HERPUD2: variants seen among roughly 807,000 people sequenced by gnomAD.
HERPUD2 encodes the protein homocysteine-responsive endoplasmic reticulum-resident ubiquitin-like domain member 2 protein.
In HERPUD2, 13 loss-of-function variants were observed where a neutral mutation model predicts 49.9. The observed-to-expected ratio is 0.26, with a 90% CI of 0.17 to 0.41. The LOEUF (loss-of-function observed/expected upper bound fraction) is 0.41, where lower values mean the gene tolerates loss of function less well. Ranked by LOEUF, HERPUD2 falls within the 10% of genes least tolerant of loss-of-function variation. The pLI is 1.00. For missense variants in HERPUD2, 449 were observed against 492.2 expected, an observed-to-expected ratio of 0.91 and a Z score of 0.83; for synonymous variants, 172 against 171.4, an observed-to-expected ratio of 1.00 and a Z score of -0.03.
intron 5 of HERPUD2, among the ~76,000 whole-genome samples, chr7:35,653,725 C>T (rs552318893): frequency 1.3e-5 from 2 of 150,654 alleles, no homozygotes; most frequent in Admixed American, 6.6e-5. Context: ...ATGACCACAA[C>T]GGAATAACAC....
At chr7:35,675,183 C>T (rs1785734818) in intron 2 of HERPUD2, among the ~76,000 whole-genome samples, 1 of 152,146 alleles carries the variant, frequency 6.6e-6, no homozygotes, top group Admixed American at 6.5e-5. Context: ...AGCTGATGTC[C>T]TCTGGAGAAT....
In HERPUD2 at chr7:35,679,236, A is replaced by T. The variant is rs578011794; in HGVS notation, c.148-5958T>A. ...AGAAAAAAACTCAGAAGATTTTGAG[A>T]ATTCCTAGTCCCAGAACTATGGGTC... On this transcript the variant is annotated intron_variant, in intron 2 of 8. Transcript: ENST00000311350. Among the ~76,000 whole-genome samples, 3 of 152,320 alleles carry T rather than the reference A, an allele frequency of 2.0e-5. No individual in the cohort carries two copies. The East Asian group carries it at 5.8e-4, about 29-fold the overall frequency.
In HERPUD2 at chr7:35,680,218, G is replaced by A. The variant is rs544730994; in HGVS notation, c.148-6940C>T. Reference sequence around the variant, plus strand: ...GCCCAGGAGTTCAAGACCAGCCTGGGCAACATAGCAAGACTCCATCTCCTC... The same window carrying A: ...GCCCAGGAGTTCAAGACCAGCCTGGACAACATAGCAAGACTCCATCTCCTC... On this transcript the variant is annotated intron_variant, in intron 2 of 8. Coordinates refer to ENST00000311350, the MANE Select transcript of HERPUD2 (RefSeq NM_022373.5). Among the ~76,000 whole-genome samples, 8 of 152,196 alleles carry A rather than the reference G, an allele frequency of 5.3e-5. No homozygotes were observed. The South Asian group carries it at 1.7e-3, about 32-fold the overall frequency.
At chr7:35,679,079 T>C (rs1785824895) in intron 2 of HERPUD2, among the ~76,000 whole-genome samples, 1 of 152,160 alleles carries the variant, frequency 6.6e-6, no homozygotes, top group South Asian at 2.1e-4. Flanking sequence ...AAGCCAAAGC[T>C]TGGAAAACTT....
rs1785925523 is a variant in HERPUD2, at chr7:35,682,347, GTGTGTGTGTGTATA to G, written c.148-9083_148-9070del. Among the ~76,000 whole-genome samples, 71 of 29,166 alleles carry G rather than the reference GTGTGTGTGTGTATA, an allele frequency of 2.4e-3. 9 individuals carry two copies. Among genetic ancestry groups the G allele is most frequent in the Middle Eastern group, 0.014 (1 of 72 alleles). The allele number at this position is 29,166 out of a possible 152,430, so 19.1% of individuals were successfully genotyped here. On this transcript the variant is annotated intron_variant, in intron 2 of 8. Coordinates refer to ENST00000311350, the MANE Select transcript of HERPUD2 (RefSeq NM_022373.5). ...CACACGTGTGTGTGTGTGTGTGTGT[GTGTGTGTGTGTATA>G]TATATATATATATATATATATATAT...
Position 35,638,463 on chromosome 7 carries a change from G to A in HERPUD2, c.504C>T (p.Asp168=). The A allele has an allele frequency of 6.2e-7, 1 of 1,612,488 alleles. No individual in the cohort carries two copies. The highest frequency in any genetic ancestry group is 1.1e-5 in the South Asian group (1 of 90,920). The part of the protein sequence containing the change: ...QFPYVMQGNV[D]NQFPGQAAPP... ...GAGCAGCTTGCCCAGGAAATTGGTTGTCTACATTTCTGCAAGAAATAAATA... is the reference window on the plus strand; with the variant it reads ...GAGCAGCTTGCCCAGGAAATTGGTTATCTACATTTCTGCAAGAAATAAATA... Residue 168 remains aspartate, a synonymous_variant, in exon 6 of 9, where the codon GAC becomes GAT. Coordinates refer to ENST00000311350, the MANE Select transcript of HERPUD2 (RefSeq NM_022373.5).
intron 5 of HERPUD2, among the ~76,000 whole-genome samples, chr7:35,654,617 C>T (rs1282936485): frequency 7.0e-6 from 1 of 142,580 alleles, no homozygotes; most frequent in Admixed American, 7.0e-5. Flanking sequence ...AAAAAAAAAT[C>T]TCCCAACAAA....
chr7:35,633,648 C>A lies in HERPUD2; in HGVS notation c.*42G>T. ...ATTGCACTGTTATTTAAACCACTTT[C>A]CTGAAGTCAGACCCTCCTTGTAGCT... On this transcript the variant is annotated 3_prime_UTR_variant, in exon 9 of 9. Transcript: ENST00000311350. The A allele has an allele frequency of 6.3e-7, 1 of 1,576,790 alleles. No homozygotes were observed. The highest frequency in any genetic ancestry group is 1.2e-5 in the South Asian group (1 of 86,106).
chr7:35,664,860 TTTG>T (rs1181977796), intron 5 of HERPUD2, among the ~76,000 whole-genome samples: 2 of 152,124 alleles, frequency 1.3e-5, no homozygotes, highest in African/African-American at 4.8e-5. Context: ...CTGGGAGAAG[TTTG>T]TTATTACCGA....
chr7:35,649,029 A>G (rs1031587102), intron 5 of HERPUD2, among the ~76,000 whole-genome samples: 15 of 152,216 alleles, frequency 9.9e-5, no homozygotes, highest in African/African-American at 3.6e-4. Context: ...AGGCAGGCAG[A>G]TCACAAGGTC....
At chr7:35,637,061 A>T (rs1784881006) in intron 6 of HERPUD2, among the ~76,000 whole-genome samples, 1 of 152,060 alleles carries the variant, frequency 6.6e-6, no homozygotes, top group African/African-American at 2.4e-5. Flanking sequence ...TGAACCCGGG[A>T]GGCGGAGGTT....
At position 35,644,759 on chromosome 7, in the gene HERPUD2, T is replaced by G. The variant is rs939664262; in HGVS notation, c.495-6287A>C. On this transcript the variant is annotated intron_variant, in intron 5 of 8. Transcript: ENST00000311350. Reference sequence around the variant, plus strand: ...TCTAGCCTGGGGGAAACAGTGAGGCTCTGTCTCAACAAAAAAAGAAAGGAA... The same window carrying G: ...TCTAGCCTGGGGGAAACAGTGAGGCGCTGTCTCAACAAAAAAAGAAAGGAA... Among the ~76,000 whole-genome samples the G allele has an allele frequency of 8.5e-5, 13 of 152,074 alleles. 1 individual carries two copies. The highest frequency in any genetic ancestry group is 2.9e-4 in the African/African-American group (12 of 41,412).
chr7:35,659,414 C>T lies in HERPUD2; in HGVS notation c.494+8020G>A, dbSNP rs139831791. ...TTTGACTGTTTTAGTGTACCATACA[C>T]AGAGATGCTTATAAATGTTTGCTGA... On this transcript the variant is annotated intron_variant, in intron 5 of 8. Coordinates refer to ENST00000311350, the MANE Select transcript of HERPUD2 (RefSeq NM_022373.5). Among the ~76,000 whole-genome samples, 999 of 152,322 alleles carry T rather than the reference C, an allele frequency of 6.6e-3. 6 individuals are homozygous for T. Among genetic ancestry groups the T allele is most frequent in the Non-Finnish European group, 9.1e-3 (621 of 68,026 alleles).
rs146174579 is a variant in HERPUD2 at position 35,690,837 on chromosome 7, G to A, written c.147+3347C>T. On this transcript the variant is annotated intron_variant, in intron 2 of 8. Coordinates refer to ENST00000311350, the MANE Select transcript of HERPUD2 (RefSeq NM_022373.5). ...AAAAAAAAAAGAACGGTATAAAAAA[G>A]GAAGCTATCAGAGTCTGATTCTTGT... Among the ~76,000 whole-genome samples, 133 of 152,088 alleles carry A rather than the reference G, an allele frequency of 8.7e-4. 1 individual carries two copies. The highest frequency in any genetic ancestry group is 3.0e-3 in the African/African-American group (123 of 41,502).
intron 5 of HERPUD2, among the ~76,000 whole-genome samples, chr7:35,651,155 A>G (rs529046585): frequency 6.6e-6 from 1 of 152,228 alleles, no homozygotes; most frequent in African/African-American, 2.4e-5. Flanking sequence ...GGTTTGTCCC[A>G]CCAATATTAC....
Position 35,694,531 on chromosome 7 carries a change from T to G in HERPUD2, c.-201A>C. The G allele has an allele frequency of 1.7e-6, 1 of 594,432 alleles. No homozygotes were observed. The highest frequency in any genetic ancestry group is 3.0e-6 in the Non-Finnish European group (1 of 338,080). The allele number at this position is 594,432 out of a possible 1,614,324, so 36.8% of individuals were successfully genotyped here. Reference sequence around the variant, plus strand: ...ACTGAGGTGGTGGCGACTGCGACGGTGGGGTCTGGGTGCCCGGCCGTGGAG... The same window carrying G: ...ACTGAGGTGGTGGCGACTGCGACGGGGGGGTCTGGGTGCCCGGCCGTGGAG... On this transcript the variant is annotated 5_prime_UTR_variant, in exon 2 of 9. Transcript: ENST00000311350.
intron 5 of HERPUD2, among the ~76,000 whole-genome samples, chr7:35,648,954 A>G (rs1238158641): frequency 6.6e-6 from 1 of 152,214 alleles, no homozygotes; most frequent in Non-Finnish European, 1.5e-5. Flanking sequence ...ACAGACTTTA[A>G]ATGTTGTGGA....
chr7:35,677,334 CCTCCA>C (rs1315523547), intron 2 of HERPUD2, among the ~76,000 whole-genome samples: 1 of 152,168 alleles, frequency 6.6e-6, no homozygotes, highest in African/African-American at 2.4e-5. Context: ...AATGCACAAT[CCTCCA>C]TTATATGAAA....
chr7:35,685,453 AG>A (rs1786016884), intron 2 of HERPUD2, among the ~76,000 whole-genome samples: 1 of 151,218 alleles, frequency 6.6e-6, no homozygotes, highest in South Asian at 2.1e-4. Flanking sequence ...CCTCCCGAGT[AG>A]CTGGGATTAC....
Sources: allele counts gnomAD v4.1 joint callset (sites outside exome capture counted in the v4.1 genomes callset), GRCh38; gene constraint gnomAD v4.1.1; transcripts MANE v1.5; gene names NCBI Gene and HGNC (gene_info 2026-07-23, HGNC 2026-07-21).